Variants in PEBP4 observed in about 807,000 individuals in gnomAD.
PEBP4 encodes phosphatidylethanolamine-binding protein 4.
PEBP4 carries 22 observed loss-of-function variants against 23.9 expected under a neutral mutation model. The observed-to-expected ratio is 0.92, with a 90% CI of 0.66 to 1.31. PEBP4 has a LOEUF of 1.31. Ranked by LOEUF, PEBP4 falls within the 40% of genes most tolerant of loss-of-function variation. The pLI, the probability that PEBP4 is intolerant of heterozygous loss-of-function variation, is 0.00. For synonymous variants in PEBP4, 112 were observed against 99.3 expected, an observed-to-expected ratio of 1.13 and a Z score of -0.76; for missense variants, 324 against 281.7, an observed-to-expected ratio of 1.15 and a Z score of -1.07.
chr8:22,771,286 C>T (rs1008663267), intron 4 of PEBP4, among the ~76,000 whole-genome samples: 7 of 152,270 alleles, frequency 4.6e-5, no homozygotes, highest in East Asian at 1.9e-4. Context: ...GTCAAGAGTT[C>T]GAGACCAGCC....
chr8:22,939,959 T>C (rs1809587150), intron 1 of PEBP4, among the ~76,000 whole-genome samples: 1 of 152,210 alleles, frequency 6.6e-6, no homozygotes, highest in African/African-American at 2.4e-5. Context: ...TTGCATCTAT[T>C]AATGAATCAC....
chr8:22,814,141 A>G (rs1806690960), intron 4 of PEBP4, among the ~76,000 whole-genome samples: 1 of 152,218 alleles, frequency 6.6e-6, no homozygotes. Flanking sequence ...CAACAGTGTG[A>G]AGTAGGCACA....
At chr8:22,830,346 T>A (rs1381969299) in intron 3 of PEBP4, among the ~76,000 whole-genome samples, 1 of 152,152 alleles carries the variant, frequency 6.6e-6, no homozygotes, top group Admixed American at 6.5e-5. Context: ...GGTTTCACCA[T>A]GTTGGCCAGG....
At chr8:22,748,328 T>C (rs1432392198) in intron 4 of PEBP4, among the ~76,000 whole-genome samples, 1 of 152,014 alleles carries the variant, frequency 6.6e-6, no homozygotes, top group Non-Finnish European at 1.5e-5. Flanking sequence ...TCCGTATTGA[T>C]GGAATGTGGC....
Position 22,833,121 on chromosome 8 carries a change from C to T in PEBP4, c.259-15386G>A, listed in dbSNP as rs146783784. ...GTATTCCCTCTGCCTCCTGACTGGC[C>T]CTGTGTGGTGTGCTGTGCCTCCTGT... On this transcript the variant is annotated intron_variant, in intron 3 of 6. Coordinates refer to ENST00000256404, the MANE Select transcript of PEBP4 (RefSeq NM_144962.3). Among the ~76,000 whole-genome samples the T allele has an allele frequency of 5.3e-5, 8 of 152,316 alleles. No individual in the cohort carries two copies. The East Asian group carries it at 7.7e-4, about 15-fold the overall frequency.
In PEBP4 at chr8:22,921,818, C is replaced by T. The variant is rs76175655; in HGVS notation, c.132-1508G>A. Among the ~76,000 whole-genome samples the T allele has an allele frequency of 4.7e-3, 719 of 152,290 alleles. 5 individuals carry two copies. Among genetic ancestry groups the T allele is most frequent in the Middle Eastern group, 0.02 (6 of 294 alleles). ...ATCTTCCTAGCATCATCTTAAGGACCGTTTGGTTTGTTTCTGCTGCAACTC... is the reference window on the plus strand; with the variant it reads ...ATCTTCCTAGCATCATCTTAAGGACTGTTTGGTTTGTTTCTGCTGCAACTC... On this transcript the variant is annotated intron_variant, in intron 2 of 6. Coordinates refer to ENST00000256404, the MANE Select transcript of PEBP4 (RefSeq NM_144962.3).
chr8:22,781,544 C>G (rs1322729579), intron 4 of PEBP4, among the ~76,000 whole-genome samples: 1 of 152,164 alleles, frequency 6.6e-6, no homozygotes, highest in African/African-American at 2.4e-5. Context: ...TCTCCCGTTC[C>G]CTAGGCAACC....
upstream of PEBP4, among the ~76,000 whole-genome samples, chr8:22,929,245 T>C (rs1326383591): frequency 6.6e-6 from 1 of 152,224 alleles, no homozygotes; most frequent in African/African-American, 2.4e-5. Flanking sequence ...TCATAGGCAT[T>C]AAGCACCTCC....
chr8:22,820,074 G>C (rs1163690021), intron 3 of PEBP4, among the ~76,000 whole-genome samples: 1 of 152,200 alleles, frequency 6.6e-6, no homozygotes, highest in South Asian at 2.1e-4. Flanking sequence ...ATCTTGGGTA[G>C]AAGCAGAGGA....
chr8:22,849,426 C>T (rs958409397), intron 3 of PEBP4, among the ~76,000 whole-genome samples: 8 of 152,158 alleles, frequency 5.3e-5, no homozygotes, highest in Admixed American at 1.3e-4. Context: ...GGAAAGCTAC[C>T]GACCTGAGGT....
chr8:22,928,113 C>T (rs1429328391), upstream of PEBP4, among the ~76,000 whole-genome samples: 1 of 152,240 alleles, frequency 6.6e-6, no homozygotes, highest in Non-Finnish European at 1.5e-5. Flanking sequence ...TGGCCAAAGG[C>T]CAGCCTGCTC....
At chr8:22,849,772 A>G (rs138400416) in intron 3 of PEBP4, among the ~76,000 whole-genome samples, 3 of 152,320 alleles carry the variant, frequency 2.0e-5, no homozygotes, top group Non-Finnish European at 4.4e-5. Flanking sequence ...AAGGTTAAAG[A>G]TGTCAAAATC....
chr8:22,865,339 TCCCGCTGCCCACCCACGGGCGG>T lies in PEBP4; in HGVS notation c.259-47626_259-47605del, dbSNP rs1362446340. On this transcript the variant is annotated intron_variant, in intron 3 of 6. Coordinates refer to ENST00000256404, the MANE Select transcript of PEBP4 (RefSeq NM_144962.3). The surrounding 1 kb of genome is among the most constrained non-coding windows in gnomAD (Gnocchi z 6.9). ...TTACCCCGGGTCCCCCTGCGGCGTC[TCCCGCTGCCCACCCACGGGCGG>T]TGACGGTGGCGGTGGCGGTGGCGGC... 4.1e-5 allele frequency among the ~76,000 whole-genome samples: 6 copies of T among 148,148 alleles called. No homozygotes were observed. Among genetic ancestry groups the T allele is most frequent in the Non-Finnish European group, 9.0e-5 (6 of 66,774 alleles).
At chr8:22,720,969 G>C (rs1043883107) in intron 6 of PEBP4, among the ~76,000 whole-genome samples, 1 of 152,162 alleles carries the variant, frequency 6.6e-6, no homozygotes, top group Non-Finnish European at 1.5e-5. Context: ...TGCCAGGCGT[G>C]GTTTGAAAGT....
At chr8:22,837,030 T>C (rs180876500) in intron 3 of PEBP4, among the ~76,000 whole-genome samples, 42 of 152,330 alleles carry the variant, frequency 2.8e-4, no homozygotes, top group Non-Finnish European at 4.6e-4. Context: ...CCTGTTTCTA[T>C]GAATGGCACT....
At chr8:22,875,362 GGTTT>G (rs1808098819) in intron 3 of PEBP4, among the ~76,000 whole-genome samples, 1 of 151,996 alleles carries the variant, frequency 6.6e-6, no homozygotes, top group Non-Finnish European at 1.5e-5. Context: ...TGCATGTGAA[GGTTT>G]GTTACATAGG....
intron 4 of PEBP4, among the ~76,000 whole-genome samples, chr8:22,738,677 T>C (rs1804922709): frequency 6.6e-6 from 1 of 152,078 alleles, no homozygotes; most frequent in Admixed American, 6.5e-5. Context: ...ACAAGGCACA[T>C]GCTCACATCC....
At chr8:22,920,865 T>C (rs79887476) in intron 2 of PEBP4, among the ~76,000 whole-genome samples, 1 of 152,234 alleles carries the variant, frequency 6.6e-6, no homozygotes, top group East Asian at 1.9e-4. Context: ...GGGTTAAGCA[T>C]TGACTGTAGC....
rs10108908 is a variant in PEBP4, at chr8:22,865,498, A to G, written c.259-47763T>C. ...CGCGCCACCGCCCCCCCGGCCGCGC[A>G]GCGAGAAGGAGCCTCGGGGAAGAGC... On this transcript the variant is annotated intron_variant, in intron 3 of 6. Coordinates refer to ENST00000256404, the MANE Select transcript of PEBP4 (RefSeq NM_144962.3). The surrounding 1 kb of genome is among the most constrained non-coding windows in gnomAD (Gnocchi z 6.9). 0.051 allele frequency among the ~76,000 whole-genome samples: 7,654 copies of G among 151,402 alleles called. 417 individuals carry two copies. Among genetic ancestry groups the G allele is most frequent in the African/African-American group, 0.14 (5,829 of 41,352 alleles).
Sources: allele counts gnomAD v4.1 joint callset (sites outside exome capture counted in the v4.1 genomes callset), GRCh38; gene constraint gnomAD v4.1.1; non-coding constraint Gnocchi (gnomAD v3.1); transcripts MANE v1.5; gene names NCBI Gene and HGNC (gene_info 2026-07-23, HGNC 2026-07-21).